AGAP1: variants seen among roughly 807,000 people sequenced by gnomAD.
AGAP1 encodes the protein ArfGAP with GTPase domain, ankyrin repeat and PH domain 1, also known as arf-GAP with GTPase, ANK repeat and PH domain-containing protein 1.
A neutral mutation model predicts 105.3 loss-of-function variants in AGAP1; 29 were observed. The observed-to-expected ratio is 0.28, with a 90% confidence interval of 0.21 to 0.38. The LOEUF (loss-of-function observed/expected upper bound fraction) is 0.38, where lower values mean the gene tolerates loss of function less well. Ranked by LOEUF, AGAP1 falls within the 10% of genes least tolerant of loss-of-function variation. AGAP1 has a pLI of 1.00. For synonymous variants in AGAP1, 509 were observed against 485.9 expected (o/e 1.05, Z -0.63); for missense variants, 998 against 1,165.1 (o/e 0.86, Z 2.09).
intron 8 of AGAP1, among the ~76,000 whole-genome samples, chr2:235,802,918 T>TG (rs1559506000): frequency 7.0e-6 from 1 of 142,224 alleles, no homozygotes; most frequent in East Asian, 2.1e-4. Flanking sequence ...GGTGTGATGG[T>TG]TGTGGTTGTG....
In AGAP1 at chr2:235,872,850, G is replaced by T. The variant is rs1215855194; in HGVS notation, c.1051-10495G>T. On this transcript the variant is annotated intron_variant, in intron 9 of 17. Transcript: ENST00000304032. The surrounding 1 kb of genome is among the most constrained non-coding windows in gnomAD (Gnocchi z 4.5). ...AGAGGGGCGTCCCATGGTCGAACTG[G>T]AACTTGCTTTGGGAAGAGTGTGGAC... Among the ~76,000 whole-genome samples, 1 of 152,236 alleles carries T rather than the reference G, an allele frequency of 6.6e-6. No homozygotes were observed. Among genetic ancestry groups the T allele is most frequent in the Non-Finnish European group, 1.5e-5 (1 of 68,044 alleles).
chr2:235,968,672 C>T, intron 13 of AGAP1, 49 bp downstream of exon 13: 1 of 1,571,484 alleles, frequency 6.4e-7, no homozygotes, highest in Non-Finnish European at 8.6e-7. Flanking sequence ...GCGGAAAATT[C>T]TCTGTTATTT....
intron 9 of AGAP1, among the ~76,000 whole-genome samples, chr2:235,844,235 G>T (rs965355058): frequency 6.6e-6 from 1 of 152,136 alleles, no homozygotes; most frequent in Admixed American, 6.5e-5. Flanking sequence ...TCTAAACAAC[G>T]AATTAAAATG....
At chr2:235,746,029 G>A (rs931433995) in intron 5 of AGAP1, among the ~76,000 whole-genome samples, 1 of 152,182 alleles carries the variant, frequency 6.6e-6, no homozygotes, top group African/African-American at 2.4e-5. Flanking sequence ...AGGAGGCTGA[G>A]GCAGGAGGAT....
chr2:235,678,337 A>G (rs924357635), intron 1 of AGAP1, among the ~76,000 whole-genome samples: 1 of 152,214 alleles, frequency 6.6e-6, no homozygotes, highest in African/African-American at 2.4e-5. Context: ...AGACTGGAGC[A>G]TGGAGGCTTT....
chr2:235,722,809 G>A (rs1951453422), intron 3 of AGAP1, among the ~76,000 whole-genome samples: 2 of 152,012 alleles, frequency 1.3e-5, no homozygotes, highest in African/African-American at 4.8e-5. Context: ...CAATCTTTTG[G>A]CTTTGCTGGG....
At position 235,830,150 on chromosome 2, in the gene AGAP1, C is replaced by T. The variant is rs1038008083; in HGVS notation, c.1050+22819C>T. ...GGCAGTACTTGCCAAGGCAAGGCCA[C>T]CGTGATCCGAGACTGGGAGGCCCAG... On this transcript the variant is annotated intron_variant, in intron 9 of 17. Transcript: ENST00000304032. The surrounding 1 kb of genome is among the most constrained non-coding windows in gnomAD (Gnocchi z 5.5). Among the ~76,000 whole-genome samples the T allele has an allele frequency of 6.6e-6, 1 of 152,144 alleles. No homozygotes were observed. Among genetic ancestry groups the T allele is most frequent in the Non-Finnish European group, 1.5e-5 (1 of 68,036 alleles).
rs770326489 is a variant in AGAP1, at chr2:235,943,538, C to T, written c.1483+12615C>T. On this transcript the variant is annotated intron_variant, in intron 12 of 17. Coordinates refer to ENST00000304032, the MANE Select transcript of AGAP1 (RefSeq NM_001037131.3). The stretch of plus-strand genomic sequence containing the variant: ...CTAATTTTTGTATTTTTAGTAGAGA[C>T]GGGGTTTCGCCATGTTGGCCAGGCT... Among the ~76,000 whole-genome samples the T allele has an allele frequency of 1.3e-4, 20 of 151,888 alleles. 1 individual carries two copies. Among genetic ancestry groups the T allele is most frequent in the South Asian group, 4.2e-4 (2 of 4,812 alleles).
At chr2:235,853,018 G>A (rs2048541767) in intron 9 of AGAP1, 3 of 1,246,060 alleles carry the variant, frequency 2.4e-6, no homozygotes, top group Non-Finnish European at 3.0e-6. Context: ...AGAAAGTTCG[G>A]CAACTCACAA....
Position 236,098,805 on chromosome 2 carries a change from T to G in AGAP1, c.2115-21387T>G, listed in dbSNP as rs182305751. Among the ~76,000 whole-genome samples the G allele has an allele frequency of 4.4e-3, 675 of 151,770 alleles. 11 individuals carry two copies. In the South Asian group the frequency reaches 0.05, roughly 11 times the overall value. On this transcript the variant is annotated intron_variant, in intron 16 of 17. Coordinates refer to ENST00000304032, the MANE Select transcript of AGAP1 (RefSeq NM_001037131.3). ...ATACCCAGCTAATTTTTTTTAATTT[T>G]TATAGAAACAGGGTCTCATATTGAC...
At chr2:235,536,468 T>TACAC (rs68065934) in intron 1 of AGAP1, among the ~76,000 whole-genome samples, 32 of 48,986 alleles carry the variant, frequency 6.5e-4, no homozygotes, top group East Asian at 5.0e-3. Flanking sequence ...TGTGGCATCC[T>TACAC]ACACACACAC....
At chr2:235,809,570 A>G (rs1958020908) in intron 9 of AGAP1, among the ~76,000 whole-genome samples, 1 of 152,230 alleles carries the variant, frequency 6.6e-6, no homozygotes, top group South Asian at 2.1e-4. Flanking sequence ...GAGGTTCCAC[A>G]GAGAATTTTT....
rs1027601474 is a variant in AGAP1, at chr2:235,865,579, C to A, written c.1051-17766C>A. Among the ~76,000 whole-genome samples the A allele has an allele frequency of 1.3e-5, 2 of 152,132 alleles. No homozygotes were observed. The highest frequency in any genetic ancestry group is 2.9e-5 in the Non-Finnish European group (2 of 68,034). On this transcript the variant is annotated intron_variant, in intron 9 of 17. Coordinates refer to ENST00000304032, the MANE Select transcript of AGAP1 (RefSeq NM_001037131.3). This position sits in a 1 kb window ranked among gnomAD's most constrained non-coding sequence, Gnocchi z 6.2. Reference sequence around the variant, plus strand: ...TTAAAGATCCAGAATCGGCCCCTCGCCCCTTTGCCCCTCCCCCAACTCCCT... The same window carrying A: ...TTAAAGATCCAGAATCGGCCCCTCGACCCTTTGCCCCTCCCCCAACTCCCT...
At position 235,947,276 on chromosome 2, in the gene AGAP1, T is replaced by A. The variant is rs563699601; in HGVS notation, c.1483+16353T>A. ...AAGTCCATTGTATCACTCTTACGCC[T>A]TTGCATCCTCATAGCTTAGCTCCCA... On this transcript the variant is annotated intron_variant, in intron 12 of 17. Transcript: ENST00000304032. 1.1e-4 allele frequency among the ~76,000 whole-genome samples: 17 copies of A among 152,236 alleles called. No individual in the cohort carries two copies. The South Asian group carries it at 3.3e-3, about 30-fold the overall frequency.
At chr2:235,797,732 ATTTC>A in intron 6 of AGAP1, 23 bp from the exon 7 acceptor site, 1 of 1,613,818 alleles carries the variant, frequency 6.2e-7, no homozygotes, top group East Asian at 2.2e-5. Flanking sequence ...ATTGACATGG[ATTTC>A]TTTTTGTCTG....
At position 235,623,067 on chromosome 2, in the gene AGAP1, G is replaced by A. The variant is rs894417326; in HGVS notation, c.164-86112G>A. Among the ~76,000 whole-genome samples, 2 of 152,144 alleles carry A rather than the reference G, an allele frequency of 1.3e-5. No homozygotes were observed. The highest frequency in any genetic ancestry group is 2.9e-5 in the Non-Finnish European group (2 of 68,040). On this transcript the variant is annotated intron_variant, in intron 1 of 17. Transcript: ENST00000304032. The surrounding 1 kb of genome is among the most constrained non-coding windows in gnomAD (Gnocchi z 4.5). ...GAAGCTAACTTGGACATTCTTTTTG[G>A]GGGAATAGATGTCTCTCATGCAGCT...
rs2057687954 is a variant in AGAP1, at chr2:236,045,403, G to T, written c.1892-3656G>T. ...CACCTAACACTGTACTTCCCGTGGG[G>T]CAGTCACTGCTCTAAGTGCCTCGTA... On this transcript the variant is annotated intron_variant, in intron 15 of 17. Coordinates refer to ENST00000304032, the MANE Select transcript of AGAP1 (RefSeq NM_001037131.3). The surrounding 1 kb of genome is among the most constrained non-coding windows in gnomAD (Gnocchi z 6.9). Among the ~76,000 whole-genome samples the T allele has an allele frequency of 6.6e-6, 1 of 152,224 alleles. No individual in the cohort carries two copies. The highest frequency in any genetic ancestry group is 2.4e-5 in the African/African-American group (1 of 41,460).
intron 9 of AGAP1, among the ~76,000 whole-genome samples, chr2:235,837,732 A>G (rs996846322): frequency 1.3e-5 from 2 of 152,236 alleles, no homozygotes; most frequent in Non-Finnish European, 2.9e-5. Flanking sequence ...AACACTAGAC[A>G]TTAAACCTTA....
chr2:235,687,047 A>G (rs1024769386), intron 1 of AGAP1, among the ~76,000 whole-genome samples: 1 of 152,042 alleles, frequency 6.6e-6, no homozygotes, highest in African/African-American at 2.4e-5. Flanking sequence ...GCTGGACTTC[A>G]TTACATTTCT....
Sources: gnomAD v4.1 joint callset for allele counts (sites outside exome capture counted in the v4.1 genomes callset) on GRCh38, gnomAD v4.1.1 for gene constraint, Gnocchi (gnomAD v3.1) non-coding constraint, MANE v1.5 for transcripts, NCBI Gene and HGNC (gene_info 2026-07-23, HGNC 2026-07-21) for gene names.